The following DUSP19 variants were observed in gnomAD, a reference collection of about 807,000 sequenced individuals.
DUSP19 encodes the protein dual specificity phosphatase 19.
A neutral mutation model predicts 16.6 loss-of-function variants in DUSP19; 14 were observed. The ratio of observed to expected loss-of-function variants is 0.84; its 90% CI spans 0.56 to 1.32. The LOEUF is 1.32. Among genes scored for constraint, DUSP19 ranks in the 40% most tolerant of loss-of-function variants. The pLI is 0.00. For synonymous variants in DUSP19, 81 were observed against 90.5 expected, an observed-to-expected ratio of 0.90 and a Z score of 0.59; for missense variants, 258 against 255.9, an observed-to-expected ratio of 1.01 and a Z score of -0.06.
At chr2:183,083,294 C>T (rs1699618094) in intron 1 of DUSP19, 1 of 469,218 alleles carries the variant, frequency 2.1e-6, no homozygotes, top group Non-Finnish European at 3.8e-6. Flanking sequence ...TTTGCAACAT[C>T]TATAACTTTT....
chr2:183,092,699 G>GTTTTT (rs781697293), intron 3 of DUSP19, among the ~76,000 whole-genome samples: 6 of 119,154 alleles, frequency 5.0e-5, no homozygotes, highest in Middle Eastern at 4.4e-3. Context: ...TTCTGCCCAA[G>GTTTTT]TTTTTTTTTT....
At chr2:183,087,268 T>C in intron 3 of DUSP19, 76 bp downstream of exon 3, 6 of 1,316,906 alleles carry the variant, frequency 4.6e-6, no homozygotes, top group Non-Finnish European at 5.1e-6. Flanking sequence ...ATCTTTATTA[T>C]TTTTATAATG....
rs765456158 is a variant in DUSP19 at position 183,099,094 on chromosome 2, G to A, written c.*3436G>A. On this transcript the variant is annotated 3_prime_UTR_variant, in exon 4 of 4. Coordinates refer to ENST00000354221, the MANE Select transcript of DUSP19 (RefSeq NM_080876.4). ...GACTCTGATAATTTCAGTGGTAGTGGGGAAACCTGAATTTGTCAGCATGAT... is the reference window on the plus strand; with the variant it reads ...GACTCTGATAATTTCAGTGGTAGTGAGGAAACCTGAATTTGTCAGCATGAT... 1 of 151,956 alleles carries A rather than the reference G, an allele frequency of 6.6e-6. No individual in the cohort carries two copies. The highest frequency in any genetic ancestry group is 1.5e-5 in the Non-Finnish European group (1 of 67,964). The allele number at this position is 151,956 out of a possible 1,614,324, so 9.4% of individuals were successfully genotyped here. A position where few individuals can be genotyped will look rare whatever the true frequency, so the allele number is the denominator to read the frequency against.
rs60200895 is a variant in DUSP19, at chr2:183,099,992, CA to C, written c.*4350del. The C allele has an allele frequency of 0.31, 32,590 of 105,960 alleles. 3,625 individuals are homozygous for C. The highest frequency in any genetic ancestry group is 0.41 in the Admixed American group (4,464 of 10,962). 6.6% of individuals were successfully genotyped at this position (105,960 alleles called of 1,614,324 possible). On this transcript the variant is annotated 3_prime_UTR_variant, in exon 4 of 4. Coordinates refer to ENST00000354221, the MANE Select transcript of DUSP19 (RefSeq NM_080876.4). Reference sequence around the variant, plus strand: ...TAGTTGACAGAGTGAGACTCTGACTCAAAAAAAAAAAAAAAATGTTGGGAAG... The same window carrying C: ...TAGTTGACAGAGTGAGACTCTGACTCAAAAAAAAAAAAAAATGTTGGGAAG...
chr2:183,086,576 G>A (rs140597508), intron 2 of DUSP19, among the ~76,000 whole-genome samples: 67 of 151,138 alleles, frequency 4.4e-4, no homozygotes, highest in African/African-American at 1.5e-3. Flanking sequence ...GGAGGCGGAA[G>A]TGGGAGCATC....
chr2:183,086,864 AG>A (rs1699669527), intron 2 of DUSP19, among the ~76,000 whole-genome samples, 175 bp from the exon 3 acceptor site: 2 of 151,938 alleles, frequency 1.3e-5, no homozygotes, highest in South Asian at 2.1e-4. Flanking sequence ...AGAGAGAGAG[AG>A]AAAACATATA....
At chr2:183,082,341 A>G (rs1357470963) in intron 1 of DUSP19, among the ~76,000 whole-genome samples, 1 of 151,282 alleles carries the variant, frequency 6.6e-6, no homozygotes, top group African/African-American at 2.4e-5. Flanking sequence ...AAGCATATAC[A>G]TATTTTTTGT....
chr2:183,095,428 TAGGATGGAGTGG>T lies in DUSP19; in HGVS notation c.427-2_436del. 1.3e-6 allele frequency: 2 copies of T among 1,564,766 alleles called. No homozygotes were observed. ...AGATTTTTGTTTGTTTTTTTTTTTG[TAGGATGGAGTGG>T]TTCTTGTTCATTGTAATGCAGGCGT... On this transcript the variant is annotated splice_acceptor_variant and coding_sequence_variant, in exon 4 of 4. Transcript: ENST00000354221. LOFTEE classifies it high-confidence loss of function.
intron 3 of DUSP19, among the ~76,000 whole-genome samples, chr2:183,089,532 A>C: frequency 6.7e-6 from 1 of 149,738 alleles, no homozygotes; most frequent in Admixed American, 6.8e-5. Context: ...TGAGAATTAG[A>C]AAATCCAGAA....
In DUSP19 at chr2:183,096,839, T is replaced by C. The variant is rs1699809005; in HGVS notation, c.*1181T>C. 6.6e-6 allele frequency: 1 copy of C among 152,532 alleles called. No individual in the cohort carries two copies. Among genetic ancestry groups the C allele is most frequent in the Admixed American group, 6.5e-5 (1 of 15,274 alleles). 9.4% of individuals were successfully genotyped at this position (152,532 alleles called of 1,614,324 possible). ...ATGGTTTTGTAAGAAACTTTAAATA[T>C]ACTTTTAGGAGACCCACAATCATTT... On this transcript the variant is annotated 3_prime_UTR_variant, in exon 4 of 4. Transcript: ENST00000354221.
At chr2:183,086,844 TAAAA>T (rs1402333720) in intron 2 of DUSP19, among the ~76,000 whole-genome samples, 192 bp from the exon 3 acceptor site, 1 of 143,756 alleles carries the variant, frequency 7.0e-6, no homozygotes, top group Non-Finnish European at 1.5e-5. Flanking sequence ...AATAATAAGT[TAAAA>T]GAGAGAGAGA....
intron 3 of DUSP19, among the ~76,000 whole-genome samples, chr2:183,092,034 C>G (rs1516242): frequency 1.3e-5 from 2 of 152,070 alleles, no homozygotes; most frequent in Non-Finnish European, 2.9e-5. Flanking sequence ...GCTACCAGAC[C>G]TCTGCAGGAT....
At chr2:183,082,311 A>G (rs1699602108) in intron 1 of DUSP19, among the ~76,000 whole-genome samples, 1 of 151,968 alleles carries the variant, frequency 6.6e-6, no homozygotes, top group African/African-American at 2.4e-5. Flanking sequence ...TGTTCTATGT[A>G]TACCTCCTTT....
chr2:183,083,968 T>C (rs1372091126), intron 2 of DUSP19, among the ~76,000 whole-genome samples: 1 of 152,212 alleles, frequency 6.6e-6, no homozygotes, highest in Admixed American at 6.5e-5. Context: ...ATTTATTACA[T>C]ATTTACTCAA....
In DUSP19 at chr2:183,083,515, A is replaced by G. The variant is rs957199581; in HGVS notation, c.234A>G (p.Gln78=). The G allele has an allele frequency of 3.1e-6, 5 of 1,611,696 alleles. No homozygotes were observed. In the East Asian group the frequency reaches 6.7e-5, roughly 22 times the overall value. Residue 78 remains glutamine (Q), a synonymous_variant, in exon 2 of 4, where the codon CAA becomes CAG. Transcript: ENST00000354221. ...VIKPWLLLGS[Q]DAAHDLDTLK... is the part of the protein sequence containing the mutation. Reference sequence around the variant, plus strand: ...ATCATTTATTTCTTCTAGGGTCACAAGATGCTGCTCATGATTTGGATACAC... The same window carrying G: ...ATCATTTATTTCTTCTAGGGTCACAGGATGCTGCTCATGATTTGGATACAC...
intron 3 of DUSP19, 113 bp downstream of exon 3, chr2:183,087,305 T>A: frequency 1.8e-6 from 2 of 1,097,576 alleles, no homozygotes; most frequent in Non-Finnish European, 2.5e-6. Context: ...TTATGAAATT[T>A]CCCTTCTAAC....
chr2:183,084,095 CAG>C (rs1699629115), intron 2 of DUSP19, among the ~76,000 whole-genome samples: 1 of 152,080 alleles, frequency 6.6e-6, no homozygotes, highest in Non-Finnish European at 1.5e-5. Flanking sequence ...AAGGGGCAGA[CAG>C]AGAAGAGAGA....
intron 3 of DUSP19, among the ~76,000 whole-genome samples, chr2:183,088,120 A>C (rs976243456): frequency 6.6e-6 from 1 of 152,236 alleles, no homozygotes; most frequent in Non-Finnish European, 1.5e-5. Flanking sequence ...TATTTTTACC[A>C]TACCTTTTCT....
At chr2:183,084,934 G>A (rs1699641405) in intron 2 of DUSP19, among the ~76,000 whole-genome samples, 1 of 152,120 alleles carries the variant, frequency 6.6e-6, no homozygotes, top group East Asian at 1.9e-4. Flanking sequence ...TAGGGAGTGG[G>A]GCTAAGGGAG....
Sources: allele counts gnomAD v4.1 joint callset (sites outside exome capture counted in the v4.1 genomes callset), GRCh38; gene constraint gnomAD v4.1.1; transcripts MANE v1.5; gene names NCBI Gene and HGNC (gene_info 2026-07-23, HGNC 2026-07-21).